The following CREBBP variants were observed in gnomAD, a reference collection of about 807,000 sequenced individuals.
CREBBP encodes CREB-binding protein.
A neutral mutation model predicts 265.0 loss-of-function variants in CREBBP; 19 were observed. The observed-to-expected ratio is 0.07, with a 90% CI of 0.05 to 0.11. The LOEUF (loss-of-function observed/expected upper bound fraction) is 0.11. Among genes scored for constraint, CREBBP ranks in the 10% least tolerant of loss-of-function variants. The probability of loss-of-function intolerance (pLI) is 1.00; values close to 1 mark genes in which losing one functional copy is unlikely to be tolerated. For missense variants in CREBBP, 2,525 were observed against 3,219.0 expected (o/e 0.78, Z 5.22); for synonymous variants, 1,457 against 1,223.7 (o/e 1.19, Z -3.98).
At chr16:3,747,616 TC>T (rs1424301755) in intron 21 of CREBBP, among the ~76,000 whole-genome samples, 1 of 152,160 alleles carries the variant, frequency 6.6e-6, no homozygotes, top group Non-Finnish European at 1.5e-5. Flanking sequence ...ATCCATGTGT[TC>T]CCTCTGCCTG....
chr16:3,731,430 G>T lies in CREBBP; in HGVS notation c.4934C>A (p.Thr1645Asn), dbSNP rs2051913083. ...IHLHAGPVIN[T>N]LPPIVDPDPL... ...GTCGGGGTCGACGATGGGGGGCAGGGTGTTGATGACAGGCCCAGCGTGCAG... is the reference window on the plus strand; with the variant it reads ...GTCGGGGTCGACGATGGGGGGCAGGTTGTTGATGACAGGCCCAGCGTGCAG... Residue 1645 changes from threonine to asparagine, a missense_variant, in exon 30 of 31, where the codon ACC becomes AAC. Physicochemically the swap from Thr to Asn is moderately conservative, Grantham distance 65. Coordinates refer to ENST00000262367, the MANE Select transcript of CREBBP (RefSeq NM_004380.3). The surrounding 1 kb of genome is among the most constrained non-coding windows in gnomAD (Gnocchi z 7.7). 1 of 1,602,406 alleles carries T rather than the reference G, an allele frequency of 6.2e-7. No homozygotes were observed. The highest frequency in any genetic ancestry group is 8.5e-7 in the Non-Finnish European group (1 of 1,175,280).
chr16:3,789,992 C>T (rs1398301075), intron 5 of CREBBP, among the ~76,000 whole-genome samples: 1 of 151,912 alleles, frequency 6.6e-6, no homozygotes, highest in Non-Finnish European at 1.5e-5. Flanking sequence ...GTAGTATGTA[C>T]TAAAAACAAA....
intron 24 of CREBBP, 106 bp from the exon 25 acceptor site, chr16:3,739,830 G>A (rs974134904): frequency 6.6e-7 from 1 of 1,508,862 alleles, no homozygotes; most frequent in African/African-American, 1.4e-5. Flanking sequence ...ATGAGCGGAG[G>A]CATGGCCACC....
At chr16:3,827,123 G>A (rs2054252577) in intron 2 of CREBBP, among the ~76,000 whole-genome samples, 1 of 151,594 alleles carries the variant, frequency 6.6e-6, no homozygotes, top group African/African-American at 2.4e-5. Flanking sequence ...CCTGTGAACG[G>A]CCACTGCTTG....
Position 3,772,551 on chromosome 16 carries a change from A to G in CREBBP, c.2463+1200T>C, listed in dbSNP as rs1312306679. 2.6e-5 allele frequency among the ~76,000 whole-genome samples: 4 copies of G among 152,254 alleles called. No individual in the cohort carries two copies. In the South Asian group the frequency reaches 6.2e-4, roughly 24 times the overall value. The stretch of plus-strand genomic sequence containing the variant: ...AATAAAGCTTTATTGGCACACAGCC[A>G]CCTCATTTATGTACCACAGCAGCTT... On this transcript the variant is annotated intron_variant, in intron 13 of 30. Transcript: ENST00000262367.
At chr16:3,778,659 C>A in intron 9 of CREBBP, 41 bp downstream of exon 9, 1 of 1,433,160 alleles carries the variant, frequency 7.0e-7, no homozygotes, top group Non-Finnish European at 9.8e-7. Context: ...CTGTCTACTA[C>A]AGATGCTGTA....
At chr16:3,861,416 C>T (rs2055071092) in intron 1 of CREBBP, among the ~76,000 whole-genome samples, 2 of 152,116 alleles carry the variant, frequency 1.3e-5, no homozygotes, top group Non-Finnish European at 2.9e-5. Flanking sequence ...TATCACTGTC[C>T]CAATCCCATC....
chr16:3,750,516 G>C (rs2052449215), intron 20 of CREBBP, among the ~76,000 whole-genome samples: 1 of 152,198 alleles, frequency 6.6e-6, no homozygotes, highest in African/African-American at 2.4e-5. Flanking sequence ...GATGTGGTGG[G>C]TGGCTGGCAG....
intron 16 of CREBBP, 121 bp from the exon 17 acceptor site, chr16:3,759,093 G>C (rs1007605944): frequency 1.3e-6 from 1 of 786,990 alleles, no homozygotes; most frequent in South Asian, 1.4e-5. Flanking sequence ...TAAGGCACTC[G>C]AGGGGCTCTC....
At chr16:3,787,152 T>C (rs540934782) in intron 5 of CREBBP, among the ~76,000 whole-genome samples, 4 of 152,086 alleles carry the variant, frequency 2.6e-5, no homozygotes, top group African/African-American at 9.6e-5. Flanking sequence ...CTTGCGGGCA[T>C]TGTGTGGGCC....
chr16:3,875,772 G>C (rs767242079), intron 1 of CREBBP, among the ~76,000 whole-genome samples: 1 of 152,168 alleles, frequency 6.6e-6, no homozygotes, highest in Non-Finnish European at 1.5e-5. Context: ...CTAGAAAATA[G>C]CAGTAACAGC....
intron 5 of CREBBP, among the ~76,000 whole-genome samples, chr16:3,783,251 G>A (rs1045224887): frequency 2.0e-5 from 3 of 152,142 alleles, no homozygotes; most frequent in Non-Finnish European, 2.9e-5. Context: ...TCAGTTCCAG[G>A]GAGTGGCAAA....
In CREBBP at chr16:3,739,709, C is replaced by T. The variant is rs2151337572; in HGVS notation, c.4149G>A (p.Gly1383=). 2 of 1,614,228 alleles carry T rather than the reference C, an allele frequency of 1.2e-6. No individual in the cohort carries two copies. The highest frequency in any genetic ancestry group is 1.1e-5 in the South Asian group (1 of 91,084). Reference sequence around the variant, plus strand: ...GATATGGGAAAGATTCAGACATTTCCCCAGAATCCACAAACCTGAAACAAA... The same window carrying T: ...GATATGGGAAAGATTCAGACATTTCTCCAGAATCCACAAACCTGAAACAAA... The part of the protein sequence containing the change: ...PGMKSRFVDS[G]EMSESFPYRT... Residue 1383 remains glycine, a synonymous_variant, in exon 25 of 31, where the codon GGG becomes GGA. Coordinates refer to ENST00000262367, the MANE Select transcript of CREBBP (RefSeq NM_004380.3).
At chr16:3,858,273 T>C (rs115056042) in intron 1 of CREBBP, among the ~76,000 whole-genome samples, 1 of 152,216 alleles carries the variant, frequency 6.6e-6, no homozygotes, top group African/African-American at 2.4e-5. Context: ...GAAAAAAATT[T>C]CAAAGCCATC....
intron 5 of CREBBP, among the ~76,000 whole-genome samples, chr16:3,785,416 G>A (rs2053362931): frequency 6.6e-6 from 1 of 152,194 alleles, no homozygotes; most frequent in African/African-American, 2.4e-5. Flanking sequence ...ATCACCTAAT[G>A]CACCCAAACT....
At position 3,856,509 on chromosome 16, in the gene CREBBP, T is replaced by A. The variant is rs553914549; in HGVS notation, c.86-5500A>T. Among the ~76,000 whole-genome samples, 4 of 152,150 alleles carry A rather than the reference T, an allele frequency of 2.6e-5. No homozygotes were observed. In the South Asian group the frequency reaches 6.2e-4, roughly 24 times the overall value. On this transcript the variant is annotated intron_variant, in intron 1 of 30. Coordinates refer to ENST00000262367, the MANE Select transcript of CREBBP (RefSeq NM_004380.3). ...TTAAAAAAATTTTTTTTTGTAGAGA[T>A]GGGGTCTTGCTATGTTGCCCAGGCT...
chr16:3,731,718 C>G lies in CREBBP; in HGVS notation c.4890+58G>C, dbSNP rs187845633. On this transcript the variant is annotated intron_variant, in intron 29 of 30. Transcript: ENST00000262367. This position sits in a 1 kb window ranked among gnomAD's most constrained non-coding sequence, Gnocchi z 7.7. ...CACACGGGCCCACGCCCGCCAGCTG[C>G]GAGTCTTTCCCTCCTCCCGGCCAGA... The G allele has an allele frequency of 6.2e-7, 1 of 1,610,160 alleles. No individual in the cohort carries two copies. Among genetic ancestry groups the G allele is most frequent in the Non-Finnish European group, 8.5e-7 (1 of 1,177,026 alleles).
intron 9 of CREBBP, among the ~76,000 whole-genome samples, chr16:3,778,454 A>G (rs1030689542): frequency 1.6e-4 from 24 of 152,214 alleles, no homozygotes; most frequent in Admixed American, 5.9e-4. Context: ...AACACCACCT[A>G]CTATGAAAAA....
intron 23 of CREBBP, chr16:3,740,815 G>A (rs2052185156): frequency 4.1e-6 from 2 of 493,628 alleles, no homozygotes; most frequent in Non-Finnish European, 3.7e-6. Flanking sequence ...TGGGGCAGAA[G>A]ACCTATAGCG....
Sources: gnomAD v4.1 joint callset for allele counts (sites outside exome capture counted in the v4.1 genomes callset) on GRCh38, gnomAD v4.1.1 for gene constraint, Gnocchi (gnomAD v3.1) non-coding constraint, MANE v1.5 for transcripts, NCBI Gene and HGNC (gene_info 2026-07-23, HGNC 2026-07-21) for gene names.